Variants in CDC42BPA observed in about 807,000 individuals in gnomAD.
CDC42BPA encodes serine/threonine-protein kinase MRCK alpha.
A neutral mutation model predicts 223.5 loss-of-function variants in CDC42BPA; 80 were observed. The ratio of observed to expected loss-of-function variants is 0.36; its 90% CI spans 0.30 to 0.43. CDC42BPA has a LOEUF of 0.43. CDC42BPA is among the 20% of genes least tolerant of loss of function. CDC42BPA has a pLI of 1.00. For missense variants in CDC42BPA, 1,743 were observed against 2,099.9 expected, an observed-to-expected ratio of 0.83 and a Z score of 3.32; for synonymous variants, 694 against 718.6, an observed-to-expected ratio of 0.97 and a Z score of 0.55.
chr1:227,073,319 T>C (rs971366560), intron 19 of CDC42BPA, among the ~76,000 whole-genome samples: 3 of 152,184 alleles, frequency 2.0e-5, no homozygotes, highest in African/African-American at 7.2e-5. Context: ...GTGACCAGAA[T>C]TGACGAAATG....
chr1:227,143,343 G>A (rs888978444), intron 8 of CDC42BPA, among the ~76,000 whole-genome samples: 2 of 152,148 alleles, frequency 1.3e-5, no homozygotes, highest in African/African-American at 4.8e-5. Context: ...AATACTTGTG[G>A]TAATTTTATG....
intron 10 of CDC42BPA, among the ~76,000 whole-genome samples, chr1:227,130,241 T>A (rs1656792406): frequency 6.6e-6 from 1 of 152,180 alleles, no homozygotes; most frequent in East Asian, 1.9e-4. Context: ...TAATTCTTTA[T>A]GAGTTAGTGC....
In CDC42BPA at chr1:226,994,467, T is replaced by C. The variant is rs1048175224; in HGVS notation, c.5134-68A>G. 3 of 1,448,104 alleles carry C rather than the reference T, an allele frequency of 2.1e-6. No individual in the cohort carries two copies. In the African/African-American group the frequency reaches 4.3e-5, roughly 21 times the overall value. The allele number at this position is 1,448,104 out of a possible 1,614,324, so 89.7% of individuals were successfully genotyped here. A position where few individuals can be genotyped will look rare whatever the true frequency, so the allele number is the denominator to read the frequency against. Reference sequence around the variant, plus strand: ...AAAGGGAGGCAGAAGGGGCTCAGATTACCACCGCCCCCTCCAGCCACCCTG... The same window carrying C: ...AAAGGGAGGCAGAAGGGGCTCAGATCACCACCGCCCCCTCCAGCCACCCTG... On this transcript the variant is annotated intron_variant, in intron 36 of 36. Transcript: ENST00000366766. This position sits in a 1 kb window ranked among gnomAD's most constrained non-coding sequence, Gnocchi z 4.0.
intron 11 of CDC42BPA, 74 bp from the exon 12 acceptor site, chr1:227,120,011 A>C: frequency 8.0e-7 from 1 of 1,252,414 alleles, no homozygotes; most frequent in Non-Finnish European, 1.1e-6. Flanking sequence ...AAAACAACTA[A>C]AATTTTTTTT....
At chr1:227,136,511 G>A (rs189080714) in intron 10 of CDC42BPA, among the ~76,000 whole-genome samples, 40 of 152,280 alleles carry the variant, frequency 2.6e-4, no homozygotes, top group Admixed American at 2.2e-3. Context: ...ACTGATAAAA[G>A]ACATCAAAGA....
At chr1:227,177,476 T>C (rs1027961915) in intron 5 of CDC42BPA, among the ~76,000 whole-genome samples, 1 of 152,228 alleles carries the variant, frequency 6.6e-6, no homozygotes, top group Admixed American at 6.5e-5. Flanking sequence ...TCCATTTTTT[T>C]TTCCCTGTAT....
chr1:227,091,774 G>GA, intron 16 of CDC42BPA, 112 bp downstream of exon 16: 1 of 547,058 alleles, frequency 1.8e-6, no homozygotes, highest in Non-Finnish European at 3.2e-6. Context: ...TAACTCAGGA[G>GA]AAAGACTATT....
At chr1:227,133,964 AAAAT>A (rs1191259356) in intron 10 of CDC42BPA, among the ~76,000 whole-genome samples, 1 of 38,798 alleles carries the variant, frequency 2.6e-5, no homozygotes, top group South Asian at 8.1e-4. Context: ...GATCAATAAA[AAAAT>A]AAATGAATAA....
intron 2 of CDC42BPA, among the ~76,000 whole-genome samples, chr1:227,216,133 T>C (rs12747743): frequency 5.0e-4 from 65 of 129,394 alleles, no homozygotes; most frequent in South Asian, 3.8e-3. Flanking sequence ...TATATATATA[T>C]ACACACACAC....
intron 14 of CDC42BPA, among the ~76,000 whole-genome samples, chr1:227,105,305 C>T (rs1484836448): frequency 6.6e-6 from 1 of 151,872 alleles, no homozygotes; most frequent in Non-Finnish European, 1.5e-5. Context: ...CCACTCCACC[C>T]AAACCCTGGT....
chr1:227,145,341 C>T (rs969795535), intron 8 of CDC42BPA, 148 bp downstream of exon 8: 2 of 560,124 alleles, frequency 3.6e-6, no homozygotes. Flanking sequence ...TGATTTGTGA[C>T]AGAATAAGCA....
intron 34 of CDC42BPA, among the ~76,000 whole-genome samples, chr1:227,015,390 T>A (rs1489048439): frequency 6.6e-6 from 1 of 151,764 alleles, no homozygotes; most frequent in African/African-American, 2.4e-5. Flanking sequence ...ACCATTGCAC[T>A]CCAGCCTGGG....
rs549098465 is a variant in CDC42BPA, at chr1:227,296,815, A to C, written c.178+20190T>G. On this transcript the variant is annotated intron_variant, in intron 1 of 36. Coordinates refer to ENST00000366766, the MANE Select transcript of CDC42BPA (RefSeq NM_001394014.1). Reference sequence around the variant, plus strand: ...TATCACACCAAAAGCACAAGAAAAAAAAAAAGGGACAAATTGGATTTCATC... The same window carrying C: ...TATCACACCAAAAGCACAAGAAAAACAAAAAGGGACAAATTGGATTTCATC... Among the ~76,000 whole-genome samples, 12 of 152,210 alleles carry C rather than the reference A, an allele frequency of 7.9e-5. No homozygotes were observed. In the South Asian group the frequency reaches 2.5e-3, roughly 32 times the overall value.
chr1:227,095,993 T>C (rs1344065006), intron 15 of CDC42BPA, among the ~76,000 whole-genome samples: 1 of 152,222 alleles, frequency 6.6e-6, no homozygotes, highest in African/African-American at 2.4e-5. Context: ...TGAAATTCCA[T>C]GTGGATCAGT....
intron 5 of CDC42BPA, among the ~76,000 whole-genome samples, chr1:227,177,409 C>G (rs1421963795): frequency 5.3e-5 from 8 of 152,156 alleles, no homozygotes; most frequent in Non-Finnish European, 1.0e-4. Flanking sequence ...TCTCAATACT[C>G]TGAAGATGTT....
intron 35 of CDC42BPA, chr1:227,003,966 G>A (rs1220959838): frequency 2.0e-5 from 3 of 151,932 alleles, no homozygotes; most frequent in African/African-American, 7.3e-5. Context: ...CCTCAAACAT[G>A]TGTACTGCAT....
At chr1:227,213,469 T>C (rs1877619) in intron 2 of CDC42BPA, among the ~76,000 whole-genome samples, 24,017 of 152,096 alleles carry the variant, frequency 0.16, 2,181 homozygotes, top group East Asian at 0.37. Context: ...GTTGGTATTT[T>C]TGAACACTGT....
chr1:227,225,661 T>C (rs2147913644), intron 2 of CDC42BPA, among the ~76,000 whole-genome samples: 1 of 152,348 alleles, frequency 6.6e-6, no homozygotes, highest in South Asian at 2.1e-4. Flanking sequence ...ATCTCCTGAC[T>C]TTATTCTTGT....
chr1:227,210,572 T>C (rs112248660), intron 3 of CDC42BPA, among the ~76,000 whole-genome samples: 21 of 152,326 alleles, frequency 1.4e-4, no homozygotes, highest in African/African-American at 5.1e-4. Flanking sequence ...TGTTTTATTT[T>C]GAATTTTGCC....
Sources: gnomAD v4.1 joint callset for allele counts (sites outside exome capture counted in the v4.1 genomes callset) on GRCh38, gnomAD v4.1.1 for gene constraint, Gnocchi (gnomAD v3.1) non-coding constraint, MANE v1.5 for transcripts, NCBI Gene and HGNC (gene_info 2026-07-23, HGNC 2026-07-21) for gene names.